BTBD9: variants seen among roughly 807,000 people sequenced by gnomAD.
The protein encoded by BTBD9 is BTB domain containing 9.
BTBD9 carries 49 observed loss-of-function variants against 64.3 expected under a neutral mutation model. That is an observed-to-expected ratio of 0.76 (90% CI 0.61 to 0.97). The LOEUF (loss-of-function observed/expected upper bound fraction) is 0.97. Among genes scored for constraint, BTBD9 ranks in the 50% least tolerant of loss-of-function variants. BTBD9 has a pLI of 0.00. For synonymous variants in BTBD9, 260 were observed against 274.7 expected (o/e 0.95, Z 0.53); for missense variants, 598 against 762.1 (o/e 0.78, Z 2.53).
intron 6 of BTBD9, among the ~76,000 whole-genome samples, chr6:38,473,808 A>G (rs1770756950): frequency 6.6e-6 from 1 of 152,214 alleles, no homozygotes; most frequent in South Asian, 2.1e-4. Flanking sequence ...CTTGGTATGG[A>G]GGAATTAATT....
At position 38,587,832 on chromosome 6, in the gene BTBD9, T is replaced by C; in HGVS notation, c.814+4744A>G. 2.8e-6 allele frequency: 2 copies of C among 716,924 alleles called. 1 individual carries two copies. Among genetic ancestry groups the C allele is most frequent in the South Asian group, 2.7e-5 (2 of 73,896 alleles). The allele number at this position is 716,924 out of a possible 1,614,324, so 44.4% of individuals were successfully genotyped here. ...AGGTTATGGCAGCAAGTATGTCAGC[T>C]TTTGACCCTTTTAAAAAACCAAGAT... On this transcript the variant is annotated intron_variant, in intron 4 of 10. Coordinates refer to ENST00000481247, the MANE Select transcript of BTBD9 (RefSeq NM_001099272.2).
In BTBD9 at chr6:38,417,121, A is replaced by AT. The variant is rs1008051085; in HGVS notation, c.1155-72029dup. Among the ~76,000 whole-genome samples the AT allele has an allele frequency of 1.6e-4, 24 of 152,074 alleles. 1 individual carries two copies. The highest frequency in any genetic ancestry group is 9.2e-4 in the Admixed American group (14 of 15,278). ...CACCTGGCTAATTATTCTTTTTAAA[A>AT]TTTTTTTTGTGTGGAGACAGGGTCT... On this transcript the variant is annotated intron_variant, in intron 6 of 10. Transcript: ENST00000481247.
intron 9 of BTBD9, among the ~76,000 whole-genome samples, chr6:38,222,168 TA>T (rs1044373767): frequency 6.7e-6 from 1 of 150,330 alleles, no homozygotes; most frequent in African/African-American, 2.4e-5. Context: ...AGATTTGTCT[TA>T]AATCACAGGG....
chr6:38,627,406 C>T (rs920864667), intron 1 of BTBD9, among the ~76,000 whole-genome samples: 2 of 152,130 alleles, frequency 1.3e-5, no homozygotes, highest in African/African-American at 4.8e-5. Flanking sequence ...AGATGCAGTA[C>T]AATATATATG....
At chr6:38,334,155 T>A (rs1763790151) in intron 7 of BTBD9, among the ~76,000 whole-genome samples, 1 of 152,114 alleles carries the variant, frequency 6.6e-6, no homozygotes, top group South Asian at 2.1e-4. Flanking sequence ...AGAGATGAGT[T>A]AGGGTATCTG....
chr6:38,389,630 T>C (rs1255015286), intron 6 of BTBD9, among the ~76,000 whole-genome samples: 1 of 152,176 alleles, frequency 6.6e-6, no homozygotes, highest in African/African-American at 2.4e-5. Context: ...TGCATAGATA[T>C]CCAAATTGAT....
intron 5 of BTBD9, among the ~76,000 whole-genome samples, chr6:38,579,267 T>G (rs972936777): frequency 6.6e-6 from 1 of 152,218 alleles, no homozygotes; most frequent in Non-Finnish European, 1.5e-5. Flanking sequence ...TAGTGGCAGT[T>G]GTGCTAACAG....
intron 6 of BTBD9, among the ~76,000 whole-genome samples, chr6:38,368,900 G>C (rs1765300166): frequency 6.6e-6 from 1 of 152,270 alleles, no homozygotes; most frequent in African/African-American, 2.4e-5. Flanking sequence ...TTCAGGCTCA[G>C]ATGTGTAGGC....
At chr6:38,278,849 T>A (rs1761390977) in intron 8 of BTBD9, among the ~76,000 whole-genome samples, 1 of 152,070 alleles carries the variant, frequency 6.6e-6, no homozygotes, top group South Asian at 2.1e-4. Flanking sequence ...TCAGGCATAA[T>A]AAGGTAAAAG....
chr6:38,295,910 G>T (rs1762140956), intron 7 of BTBD9, among the ~76,000 whole-genome samples: 1 of 152,054 alleles, frequency 6.6e-6, no homozygotes, highest in South Asian at 2.1e-4. Context: ...TTAGCTGGGT[G>T]TGATGGTGCA....
At chr6:38,461,537 A>AATTTAAAACAC (rs1770086864) in intron 6 of BTBD9, among the ~76,000 whole-genome samples, 1 of 152,242 alleles carries the variant, frequency 6.6e-6, no homozygotes, top group Non-Finnish European at 1.5e-5. Flanking sequence ...TGTACACAAT[A>AATTTAAAACAC]AATTAAAACA....
intron 6 of BTBD9, among the ~76,000 whole-genome samples, chr6:38,384,009 A>C (rs989027799): frequency 6.6e-6 from 1 of 152,016 alleles, no homozygotes; most frequent in Non-Finnish European, 1.5e-5. Flanking sequence ...TCAGTCATAC[A>C]TTATCTTCCT....
At chr6:38,327,970 G>A (rs1031900815) in intron 7 of BTBD9, among the ~76,000 whole-genome samples, 12 of 152,192 alleles carry the variant, frequency 7.9e-5, no homozygotes, top group Non-Finnish European at 1.3e-4. Context: ...GTGCTGAGGC[G>A]CACCAGAAGG....
chr6:38,179,793 G>A, intron 10 of BTBD9: 1 of 456,790 alleles, frequency 2.2e-6, no homozygotes, highest in Non-Finnish European at 4.4e-6. Flanking sequence ...TACATCAGAG[G>A]TGTGTGAGAA....
chr6:38,496,355 C>T (rs1489293548), intron 6 of BTBD9, among the ~76,000 whole-genome samples: 2 of 151,940 alleles, frequency 1.3e-5, no homozygotes, highest in Admixed American at 1.3e-4. Context: ...TCTAAAGATG[C>T]AAATCAGCCA....
chr6:38,334,317 T>C (rs1763796044), intron 7 of BTBD9, among the ~76,000 whole-genome samples: 1 of 152,212 alleles, frequency 6.6e-6, no homozygotes, highest in Non-Finnish European at 1.5e-5. Flanking sequence ...ATCCCGGCAC[T>C]TTGGGAGGCC....
intron 9 of BTBD9, among the ~76,000 whole-genome samples, chr6:38,212,145 C>T (rs1249271330): frequency 2.6e-5 from 4 of 152,150 alleles, no homozygotes; most frequent in Admixed American, 6.5e-5. Context: ...AGTGGCCCTC[C>T]CTTGGTGGCC....
intron 8 of BTBD9, among the ~76,000 whole-genome samples, chr6:38,281,178 C>T (rs1761501677): frequency 6.6e-6 from 1 of 152,188 alleles, no homozygotes; most frequent in African/African-American, 2.4e-5. Flanking sequence ...CAGTTCCTCT[C>T]CTTTTTCTTT....
intron 9 of BTBD9, among the ~76,000 whole-genome samples, chr6:38,249,359 T>A (rs1008806643): frequency 2.0e-5 from 3 of 152,058 alleles, no homozygotes; most frequent in African/African-American, 7.2e-5. Context: ...GCTTCAGCAA[T>A]CCTCCCCGCT....
Sources: allele counts gnomAD v4.1 joint callset (sites outside exome capture counted in the v4.1 genomes callset), GRCh38; gene constraint gnomAD v4.1.1; transcripts MANE v1.5; gene names NCBI Gene and HGNC (gene_info 2026-07-23, HGNC 2026-07-21).